EMC7: variants seen among roughly 807,000 people sequenced by gnomAD.
EMC7 encodes the protein endoplasmic reticulum membrane protein complex subunit 7.
Under a neutral mutation model 24.4 loss-of-function variants are expected in EMC7, and 4 were observed. The ratio of observed to expected loss-of-function variants is 0.16; its 90% CI spans 0.08 to 0.38. EMC7 has a LOEUF of 0.38. Ranked by LOEUF, EMC7 falls within the 10% of genes least tolerant of loss-of-function variation. The pLI is 1.00. For missense variants in EMC7, 221 were observed against 300.6 expected, an observed-to-expected ratio of 0.74 and a Z score of 1.96; for synonymous variants, 106 against 112.0, an observed-to-expected ratio of 0.95 and a Z score of 0.34.
At chr15:34,087,647 T>C (rs1457388974) in intron 4 of EMC7, among the ~76,000 whole-genome samples, 2 of 152,200 alleles carry the variant, frequency 1.3e-5, no homozygotes, top group Non-Finnish European at 2.9e-5. Context: ...GAGGCTAGGA[T>C]GCAGTAAGAT....
At chr15:34,100,148 C>G (rs1901151971) in intron 1 of EMC7, among the ~76,000 whole-genome samples, 1 of 152,174 alleles carries the variant, frequency 6.6e-6, no homozygotes, top group Non-Finnish European at 1.5e-5. Flanking sequence ...TGAGACCACA[C>G]TGGGCAACAT....
At chr15:34,098,886 A>G (rs1017833060) in intron 1 of EMC7, among the ~76,000 whole-genome samples, 1 of 151,288 alleles carries the variant, frequency 6.6e-6, no homozygotes, top group Non-Finnish European at 1.5e-5. Flanking sequence ...TATCATCCTA[A>G]GGTAAATATT....
At chr15:34,089,399 C>T (rs1423306937) in intron 3 of EMC7, among the ~76,000 whole-genome samples, 1 of 152,116 alleles carries the variant, frequency 6.6e-6, no homozygotes, top group East Asian at 1.9e-4. Context: ...TATATCAAAA[C>T]ATCATATGTA....
chr15:34,095,145 G>A (rs1901044645), intron 2 of EMC7, among the ~76,000 whole-genome samples: 1 of 152,130 alleles, frequency 6.6e-6, no homozygotes, highest in African/African-American at 2.4e-5. Context: ...TGCATGACCT[G>A]TGCTTTATTA....
chr15:34,084,439 A>G lies in EMC7; in HGVS notation c.624T>C (p.Pro208=), dbSNP rs1293899025. ...MNMLNSNHEL[P]DVSEFMTRLF... ...GTCTTGTCATGAACTCAGAAACATC[A>G]GGCAACTCATGGTTGGAATTCAGCA... The change falls in exon 5 of 5, where the codon CCT becomes CCC. Residue 208 remains proline (P), a synonymous_variant. Transcript: ENST00000256545. The G allele has an allele frequency of 1.9e-6, 3 of 1,613,770 alleles. No homozygotes were observed. The highest frequency in any genetic ancestry group is 4.5e-5 in the East Asian group (2 of 44,878).
At chr15:34,093,928 G>A (rs1372793581) in intron 2 of EMC7, among the ~76,000 whole-genome samples, 1 of 145,986 alleles carries the variant, frequency 6.8e-6, no homozygotes, top group East Asian at 2.0e-4. Context: ...AGGCTGAGGT[G>A]GGAAGATCAC....
At chr15:34,086,160 T>C (rs1444726535) in intron 4 of EMC7, 4 of 411,030 alleles carry the variant, frequency 9.7e-6, no homozygotes, top group African/African-American at 4.3e-5. Flanking sequence ...GATCAAGATC[T>C]GGCCCTTGAA....
chr15:34,091,483 C>T (rs1376180863), intron 2 of EMC7, among the ~76,000 whole-genome samples: 2 of 152,122 alleles, frequency 1.3e-5, no homozygotes, highest in East Asian at 1.9e-4. Flanking sequence ...TAAACAGAAA[C>T]TATTTTGTTC....
intron 4 of EMC7, chr15:34,086,258 C>A (rs1231393270): frequency 3.3e-6 from 1 of 306,200 alleles, no homozygotes; most frequent in African/African-American, 2.2e-5. Context: ...GCCAGATAAA[C>A]CTCTTAGTTG....
Position 34,101,768 on chromosome 15 carries a change from C to T in EMC7, c.72G>A (p.Ser24=). ...LLLLSGDVQS[S]EVPGAAAEGS... is the part of the protein sequence containing the mutation. ...CCTCAGCAGCAGCCCCGGGCACCTC[C>T]GAGCTCTGGACATCCCCCGATAGCA... The change falls in exon 1 of 5, where the codon TCG becomes TCA. Residue 24 remains serine, a synonymous_variant. Coordinates refer to ENST00000256545, the MANE Select transcript of EMC7 (RefSeq NM_020154.3). 5 of 1,613,674 alleles carry T rather than the reference C, an allele frequency of 3.1e-6. No homozygotes were observed. The highest frequency in any genetic ancestry group is 3.4e-6 in the Non-Finnish European group (4 of 1,179,982).
chr15:34,093,520 A>C (rs548895581), intron 2 of EMC7, among the ~76,000 whole-genome samples: 1 of 151,670 alleles, frequency 6.6e-6, no homozygotes, highest in Non-Finnish European at 1.5e-5. Context: ...ATTTGCTAAG[A>C]CTATTTTATT....
At chr15:34,088,556 T>G (rs1395796637) in intron 3 of EMC7, among the ~76,000 whole-genome samples, 1 of 151,944 alleles carries the variant, frequency 6.6e-6, no homozygotes, top group Non-Finnish European at 1.5e-5. Flanking sequence ...CTGTGGTTCT[T>G]GGAAAACTGA....
intron 2 of EMC7, among the ~76,000 whole-genome samples, chr15:34,093,823 A>ATTTTTTTTTTT (rs753095506): frequency 7.2e-4 from 35 of 48,706 alleles, no homozygotes; most frequent in African/African-American, 2.1e-3. Context: ...ATATATATAT[A>ATTTTTTTTTTT]TTTTTTTTTT....
In EMC7 at chr15:34,084,465, T is replaced by G. The variant is rs774673808; in HGVS notation, c.598A>C (p.Met200Leu). ...MRREMEQSMN[M>L]LNSNHELPDV... ...GGCAACTCATGGTTGGAATTCAGCA[T>G]ATTCATTGACTGCTCCATTTCCTGC... The change falls in exon 5 of 5, where the codon ATG (methionine) becomes CTG (leucine). Residue 200 changes from methionine (M) to leucine (L), a missense_variant. Met to Leu is a conservative substitution (Grantham distance 15). This residue lies in a region of EMC7 where 65 missense variants were observed against 123.4 expected (regional missense o/e 0.53). Transcript: ENST00000256545. 1 of 1,613,502 alleles carries G rather than the reference T, an allele frequency of 6.2e-7. No homozygotes were observed. Among genetic ancestry groups the G allele is most frequent in the Non-Finnish European group, 8.5e-7 (1 of 1,179,506 alleles).
chr15:34,091,544 C>T (rs1057245213), intron 2 of EMC7, among the ~76,000 whole-genome samples: 34 of 152,186 alleles, frequency 2.2e-4, no homozygotes, highest in African/African-American at 8.0e-4. Context: ...TAAATTCATA[C>T]CCCAACTTGT....
intron 2 of EMC7, among the ~76,000 whole-genome samples, chr15:34,093,895 G>A (rs542753004): frequency 3.6e-5 from 5 of 140,628 alleles, no homozygotes; most frequent in Admixed American, 7.4e-5. Flanking sequence ...GTACAGTCAT[G>A]CCTATAATCC....
Position 34,093,123 on chromosome 15 carries a change from C to T in EMC7, c.357-2668G>A, listed in dbSNP as rs557234927. The stretch of plus-strand genomic sequence containing the variant: ...TATGGTTTCTACTGTGTATCGCTTT[C>T]GCACCATGGTAAAGTCAAAAAATTC... On this transcript the variant is annotated intron_variant, in intron 2 of 4. Transcript: ENST00000256545. Among the ~76,000 whole-genome samples the T allele has an allele frequency of 8.5e-5, 13 of 152,204 alleles. No individual in the cohort carries two copies. The South Asian group carries it at 2.1e-3, about 24-fold the overall frequency.
chr15:34,090,098 A>T (rs909128023), intron 3 of EMC7, among the ~76,000 whole-genome samples: 4 of 152,250 alleles, frequency 2.6e-5, no homozygotes, highest in African/African-American at 4.8e-5. Context: ...AATTTCTATT[A>T]CACATTTCAA....
intron 3 of EMC7, among the ~76,000 whole-genome samples, 166 bp downstream of exon 3, chr15:34,090,151 A>T (rs1900955592): frequency 6.6e-6 from 1 of 152,186 alleles, no homozygotes; most frequent in South Asian, 2.1e-4. Flanking sequence ...TCTCTTCATT[A>T]TGTATTCCCA....
Sources: allele counts gnomAD v4.1 joint callset (sites outside exome capture counted in the v4.1 genomes callset), GRCh38; gene constraint gnomAD v4.1.1; regional missense constraint gnomAD v4.1.1; transcripts MANE v1.5; gene names NCBI Gene and HGNC (gene_info 2026-07-23, HGNC 2026-07-21).